DNAH6: variants seen among roughly 807,000 people sequenced by gnomAD.
DNAH6 encodes the protein axonemal beta dynein heavy chain 6.
A neutral mutation model predicts 491.4 loss-of-function variants in DNAH6; 340 were observed. That is an observed-to-expected ratio of 0.69 (90% confidence interval 0.63 to 0.76). The LOEUF (loss-of-function observed/expected upper bound fraction) is 0.76, where lower values mean the gene tolerates loss of function less well. Ranked by LOEUF, DNAH6 falls within the 30% of genes least tolerant of loss-of-function variation. DNAH6 has a pLI of 0.00. For synonymous variants in DNAH6, 1,603 were observed against 1,686.1 expected (o/e 0.95, Z 1.21); for missense variants, 4,443 against 4,972.2 (o/e 0.89, Z 3.20).
chr2:84,463,049 C>T, the DNAH6 span, among the ~76,000 whole-genome samples: 2 of 152,140 alleles, frequency 1.3e-5, no homozygotes, highest in African/African-American at 2.4e-5. Context: ...ACCTAACTCA[C>T]GTCAGGATAC....
chr2:84,734,421 CT>C (rs1276278443), intron 62 of DNAH6, among the ~76,000 whole-genome samples: 2 of 152,168 alleles, frequency 1.3e-5, no homozygotes, highest in East Asian at 1.9e-4. Flanking sequence ...AAAAACTACA[CT>C]TTTTAGTTCA....
chr2:84,597,681 C>G (rs1394143706), intron 18 of DNAH6, among the ~76,000 whole-genome samples: 1 of 152,118 alleles, frequency 6.6e-6, no homozygotes, highest in Non-Finnish European at 1.5e-5. Context: ...CAGCATTGTT[C>G]ATAATAGCCA....
In DNAH6 at chr2:84,769,151, TG is replaced by T. The variant is rs547734063; in HGVS notation, c.10703+6207del. Among the ~76,000 whole-genome samples the T allele has an allele frequency of 4.1e-3, 620 of 152,272 alleles. 4 individuals carry two copies. Among genetic ancestry groups the T allele is most frequent in the African/African-American group, 0.014 (585 of 41,550 alleles). On this transcript the variant is annotated intron_variant, in intron 64 of 76. Coordinates refer to ENST00000389394, the MANE Select transcript of DNAH6 (RefSeq NM_001370.2). ...AAAGAGAGAGTGGAGCTGCTGACCC[TG>T]TAAGGGAGAGCCATGGGGATGGCAG...
chr2:84,762,536 T>C lies in DNAH6; in HGVS notation c.10513-219T>C, dbSNP rs1025426097. 5.5e-4 allele frequency among the ~76,000 whole-genome samples: 83 copies of C among 152,126 alleles called. 1 individual carries two copies. The highest frequency in any genetic ancestry group is 2.0e-4 in the Admixed American group (3 of 15,260). ...GTTGAGGGACTTCCCTCTTACCTAATATTTCATCCTGCTTGTGAGTCATGA... is the reference window on the plus strand; with the variant it reads ...GTTGAGGGACTTCCCTCTTACCTAACATTTCATCCTGCTTGTGAGTCATGA... On this transcript the variant is annotated intron_variant, in intron 63 of 76. Transcript: ENST00000389394.
chr2:84,794,798 T>C, intron 68 of DNAH6, among the ~76,000 whole-genome samples: 1 of 132,622 alleles, frequency 7.5e-6, no homozygotes, highest in Non-Finnish European at 1.6e-5. Context: ...GAACTAGAAA[T>C]ACCATTTGAC....
chr2:84,814,052 G>T lies in DNAH6; in HGVS notation c.12080G>T (p.Arg4027Leu). Residue 4027 changes from arginine to leucine, a missense_variant, in exon 75 of 77, where the codon CGG (arginine) becomes CTG (leucine). Physicochemically the swap from Arg to Leu is moderately radical, Grantham distance 102. This residue lies in a region of DNAH6 where 1,463 missense variants were observed against 1,656.6 expected (regional missense o/e 0.88). Transcript: ENST00000389394. ...SFKYSVIPTYRDQAAVIEAAK... is the reference protein window; with the variant it reads ...SFKYSVIPTYLDQAAVIEAAK... ...AAATACAGCGTAATTCCCACCTATCGGGATCAAGCTGCAGTGATAGAAGCT... is the reference window on the plus strand; with the variant it reads ...AAATACAGCGTAATTCCCACCTATCTGGATCAAGCTGCAGTGATAGAAGCT... The T allele has an allele frequency of 6.4e-7, 1 of 1,551,698 alleles. No individual in the cohort carries two copies. Among genetic ancestry groups the T allele is most frequent in the Non-Finnish European group, 8.7e-7 (1 of 1,146,986 alleles).
At chr2:84,503,744 T>G in the DNAH6 span, among the ~76,000 whole-genome samples, 1 of 152,050 alleles carries the variant, frequency 6.6e-6, no homozygotes, top group Non-Finnish European at 1.5e-5. Context: ...GCCTGTAAGT[T>G]TTCCATGGAA....
In DNAH6 at chr2:84,694,247, A is replaced by G. The variant is rs1440567931; in HGVS notation, c.7293-2A>G. The G allele has an allele frequency of 6.4e-7, 1 of 1,551,494 alleles. No individual in the cohort carries two copies. The highest frequency in any genetic ancestry group is 8.7e-7 in the Non-Finnish European group (1 of 1,146,658). On this transcript the variant is annotated splice_acceptor_variant, in intron 45 of 76. Coordinates refer to ENST00000389394, the MANE Select transcript of DNAH6 (RefSeq NM_001370.2). LOFTEE classifies it high-confidence loss of function. ...ATAAACCCTCTGCTCTGATGTTTGC[A>G]GGATTGCTCGGATGATACGTCAAGA...
intron 33 of DNAH6, among the ~76,000 whole-genome samples, chr2:84,649,286 A>G (rs1690193900): frequency 2.0e-5 from 3 of 152,182 alleles, no homozygotes; most frequent in Admixed American, 6.6e-5. Flanking sequence ...TCTCTGAAGG[A>G]TGCTTATATA....
chr2:84,573,118 T>C (rs750210147), intron 11 of DNAH6, among the ~76,000 whole-genome samples: 8 of 152,224 alleles, frequency 5.3e-5, no homozygotes, highest in Admixed American at 5.2e-4. Flanking sequence ...ACATAAAATA[T>C]GCAGTTGGGA....
the DNAH6 span, among the ~76,000 whole-genome samples, chr2:84,501,386 A>C: frequency 6.6e-6 from 1 of 152,006 alleles, no homozygotes; most frequent in East Asian, 1.9e-4. Flanking sequence ...ACTTGGTTGT[A>C]ATGAATGATC....
chr2:84,588,826 G>T lies in DNAH6; in HGVS notation c.2482G>T (p.Asp828Tyr). 1 of 1,532,666 alleles carries T rather than the reference G, an allele frequency of 6.5e-7. No individual in the cohort carries two copies. The highest frequency in any genetic ancestry group is 8.8e-7 in the Non-Finnish European group (1 of 1,139,790). 94.9% of individuals were successfully genotyped at this position (1,532,666 alleles called of 1,614,324 possible). The stretch of plus-strand genomic sequence containing the variant: ...ACCAAAAACTGTCTTAAATTTATAG[G>T]ATCCACAGATTTTAGATATCTCTGC... ...EVNEVKLQAQ[D>Y]PQILDISADQ... The change falls in exon 16 of 77, where the codon GAT (aspartate) becomes TAT (tyrosine). Residue 828 changes from aspartate to tyrosine, a missense_variant and splice_region_variant. This residue lies in a region of DNAH6 where 2,977 missense variants were observed against 3,296.6 expected (regional missense o/e 0.90). Coordinates refer to ENST00000389394, the MANE Select transcript of DNAH6 (RefSeq NM_001370.2).
intron 43 of DNAH6, 144 bp downstream of exon 43, chr2:84,685,616 T>C: frequency 4.8e-6 from 2 of 414,800 alleles, no homozygotes; most frequent in Non-Finnish European, 8.3e-6. Flanking sequence ...TATATTAAAA[T>C]ATATGAAATA....
At chr2:84,775,164 T>C (rs1482261538) in intron 64 of DNAH6, among the ~76,000 whole-genome samples, 1 of 152,170 alleles carries the variant, frequency 6.6e-6, no homozygotes, top group Non-Finnish European at 1.5e-5. Flanking sequence ...ATTCTTAATA[T>C]TTTGAAGTAT....
the DNAH6 span, among the ~76,000 whole-genome samples, chr2:84,473,091 C>T: frequency 3.9e-5 from 6 of 152,050 alleles, no homozygotes; most frequent in South Asian, 2.1e-4. Context: ...AAAAGAGTAA[C>T]GGCCCCTTTG....
At chr2:84,632,436 T>G (rs1337522059) in intron 29 of DNAH6, among the ~76,000 whole-genome samples, 1 of 152,120 alleles carries the variant, frequency 6.6e-6, no homozygotes, top group Non-Finnish European at 1.5e-5. Flanking sequence ...CAAACGGAAA[T>G]GAAGAACCAC....
chr2:84,482,415 T>C, the DNAH6 span, among the ~76,000 whole-genome samples: 3 of 152,216 alleles, frequency 2.0e-5, no homozygotes, highest in African/African-American at 7.2e-5. Flanking sequence ...AAGTTTTGGA[T>C]CTTCCTGAAA....
chr2:84,705,502 G>A lies in DNAH6; in HGVS notation c.8482G>A (p.Ala2828Thr), dbSNP rs900010944. Reference sequence around the variant, plus strand: ...GTCTTTCAGGCCTGATTGGCCATCAGCAAAGCAACTTCTTGGTGACTCTAA... The same window carrying A: ...GTCTTTCAGGCCTGATTGGCCATCAACAAAGCAACTTCTTGGTGACTCTAA... ...LLNAKPDWPSAKQLLGDSNFL... is the reference protein window; with the variant it reads ...LLNAKPDWPSTKQLLGDSNFL... Residue 2828 changes from alanine (A) to threonine (T), a missense_variant, in exon 52 of 77, where the codon GCA (alanine) becomes ACA (threonine). Physicochemically the swap from Ala to Thr is moderately conservative, Grantham distance 58. Coordinates refer to ENST00000389394, the MANE Select transcript of DNAH6 (RefSeq NM_001370.2). 1.3e-6 allele frequency: 2 copies of A among 1,548,228 alleles called. No individual in the cohort carries two copies. The highest frequency in any genetic ancestry group is 1.7e-6 in the Non-Finnish European group (2 of 1,145,288).
intron 62 of DNAH6, among the ~76,000 whole-genome samples, chr2:84,733,874 GT>G (rs11314818): frequency 0.26 from 37,962 of 147,104 alleles, 5,396 homozygotes; most frequent in African/African-American, 0.42. Flanking sequence ...TATCCCATAG[GT>G]TTTTTTTTTT....
Sources: gnomAD v4.1 joint callset for allele counts (sites outside exome capture counted in the v4.1 genomes callset) on GRCh38, gnomAD v4.1.1 for gene constraint, gnomAD v4.1.1 regional missense constraint, MANE v1.5 for transcripts, NCBI Gene and HGNC (gene_info 2026-07-23, HGNC 2026-07-21) for gene names.